The following RNF144A variants were observed in gnomAD, a reference collection of about 807,000 sequenced individuals.
RNF144A encodes the protein ring finger protein 144A, also known as E3 ubiquitin-protein ligase RNF144A.
RNF144A carries 11 observed loss-of-function variants against 38.7 expected under a neutral mutation model. That is an observed-to-expected ratio of 0.28 (90% confidence interval 0.18 to 0.47). The LOEUF (loss-of-function observed/expected upper bound fraction) is 0.47, where lower values mean the gene tolerates loss of function less well. RNF144A is among the 20% of genes least tolerant of loss of function. The pLI is 0.99. For synonymous variants in RNF144A, 149 were observed against 143.9 expected (o/e 1.04, Z -0.25); for missense variants, 316 against 377.2 (o/e 0.84, Z 1.34).
chr2:6,998,938 C>T (rs1464235661), intron 3 of RNF144A, among the ~76,000 whole-genome samples: 1 of 152,252 alleles, frequency 6.6e-6, no homozygotes, highest in Non-Finnish European at 1.5e-5. Flanking sequence ...AGTCGCCTGC[C>T]TGCTGTCAGA....
chr2:6,995,204 T>C (rs1271415287), intron 2 of RNF144A, among the ~76,000 whole-genome samples: 1 of 151,886 alleles, frequency 6.6e-6, no homozygotes, highest in African/African-American at 2.4e-5. Context: ...AAAGGGATGA[T>C]GTAATTTTTT....
chr2:6,932,812 A>G (rs1398246246), intron 1 of RNF144A, among the ~76,000 whole-genome samples: 1 of 152,220 alleles, frequency 6.6e-6, no homozygotes, highest in East Asian at 1.9e-4. Flanking sequence ...CAATGAACCA[A>G]CAAGTTTGTT....
chr2:7,051,103 T>C (rs1323870667), intron 6 of RNF144A, among the ~76,000 whole-genome samples: 1 of 152,168 alleles, frequency 6.6e-6, no homozygotes, highest in Non-Finnish European at 1.5e-5. Flanking sequence ...CCACAGGTGG[T>C]AGCAGAGAGG....
chr2:7,005,803 C>T (rs1670401754), intron 3 of RNF144A, among the ~76,000 whole-genome samples: 2 of 152,126 alleles, frequency 1.3e-5, no homozygotes, highest in Admixed American at 6.5e-5. Flanking sequence ...AGGCAGGATT[C>T]TCCATCTCAT....
At chr2:7,005,683 A>C (rs1670395288) in intron 3 of RNF144A, among the ~76,000 whole-genome samples, 1 of 152,206 alleles carries the variant, frequency 6.6e-6, no homozygotes, top group Non-Finnish European at 1.5e-5. Context: ...CCCTGCTGAC[A>C]ACTCACAGGC....
intron 3 of RNF144A, among the ~76,000 whole-genome samples, chr2:7,008,172 A>G (rs1392362832): frequency 6.6e-6 from 1 of 152,204 alleles, no homozygotes; most frequent in Non-Finnish European, 1.5e-5. Context: ...TTCAGAGCCT[A>G]TCACTGCCTC....
the RNF144A span, chr2:7,074,486 A>G: frequency 1.4e-4 from 21 of 152,224 alleles, no homozygotes; most frequent in South Asian, 6.2e-4. Context: ...AAAACATTCA[A>G]TTGTACTTAC....
intron 3 of RNF144A, among the ~76,000 whole-genome samples, chr2:7,009,197 G>A (rs1670640505): frequency 1.3e-5 from 2 of 152,202 alleles, no homozygotes; most frequent in Admixed American, 1.3e-4. Flanking sequence ...TTAAGTAGGT[G>A]GAGGATACTG....
intron 3 of RNF144A, among the ~76,000 whole-genome samples, chr2:7,003,014 A>G (rs1194432870): frequency 6.6e-6 from 1 of 152,084 alleles, no homozygotes; most frequent in Non-Finnish European, 1.5e-5. Context: ...AAAAAAATTT[A>G]CAAATAGAGT....
chr2:7,017,792 C>A (rs1671236864), intron 5 of RNF144A, among the ~76,000 whole-genome samples: 1 of 152,176 alleles, frequency 6.6e-6, no homozygotes, highest in Non-Finnish European at 1.5e-5. Context: ...TACGCCTCAG[C>A]CTGGGGCCAT....
intron 2 of RNF144A, among the ~76,000 whole-genome samples, chr2:6,965,204 CAG>C: frequency 6.6e-6 from 1 of 152,144 alleles, no homozygotes; most frequent in East Asian, 1.9e-4. Context: ...AACAACCTTG[CAG>C]ACACATGCAC....
At chr2:6,918,837 G>C (rs1051930710) in intron 1 of RNF144A, 1 of 151,204 alleles carries the variant, frequency 6.6e-6, no homozygotes, top group Admixed American at 6.6e-5. Context: ...ATCAAGGCTG[G>C]GGTAACAGAG....
At chr2:6,953,198 C>T (rs1159248526) in intron 2 of RNF144A, among the ~76,000 whole-genome samples, 2 of 152,026 alleles carry the variant, frequency 1.3e-5, no homozygotes, top group Non-Finnish European at 2.9e-5. Context: ...AGGCTGAAGC[C>T]GGTGGATCAC....
At chr2:7,049,396 G>A (rs10171085) in intron 6 of RNF144A, among the ~76,000 whole-genome samples, 20,335 of 152,182 alleles carry the variant, frequency 0.13, 1,400 homozygotes, top group African/African-American at 0.15. Context: ...GTAAGGCAAT[G>A]AATGAGAAAT....
chr2:7,014,629 G>A (rs1671021640), intron 4 of RNF144A, 71 bp downstream of exon 4: 22 of 1,522,814 alleles, frequency 1.4e-5, no homozygotes, highest in Non-Finnish European at 1.7e-5. Flanking sequence ...TCAGAATAAC[G>A]TGGGTTTTGT....
At chr2:7,007,518 C>T (rs909438021) in intron 3 of RNF144A, among the ~76,000 whole-genome samples, 27 of 152,222 alleles carry the variant, frequency 1.8e-4, no homozygotes, top group Admixed American at 1.6e-3. Context: ...CATTTCACCT[C>T]CATTAAGAGT....
intron 2 of RNF144A, among the ~76,000 whole-genome samples, chr2:6,979,049 G>A (rs951427146): frequency 2.6e-5 from 4 of 152,190 alleles, no homozygotes; most frequent in African/African-American, 9.7e-5. Flanking sequence ...AAAGTAGAGA[G>A]ACAGGAGCAG....
intron 2 of RNF144A, among the ~76,000 whole-genome samples, chr2:6,951,253 T>C (rs186741112): frequency 6.6e-6 from 1 of 151,452 alleles, no homozygotes; most frequent in Non-Finnish European, 1.5e-5. Context: ...CACTCTGTTA[T>C]GTGTCATGTT....
chr2:6,993,655 G>A (rs1669539624), intron 2 of RNF144A, among the ~76,000 whole-genome samples: 1 of 152,138 alleles, frequency 6.6e-6, no homozygotes, highest in South Asian at 2.1e-4. Flanking sequence ...TGATGTCCAG[G>A]CTGGGAGCAT....
Sources: allele counts gnomAD v4.1 joint callset (sites outside exome capture counted in the v4.1 genomes callset), GRCh38; gene constraint gnomAD v4.1.1; transcripts MANE v1.5; gene names NCBI Gene and HGNC (gene_info 2026-07-23, HGNC 2026-07-21).